Variants in DOK5 observed in about 807,000 individuals in gnomAD.
DOK5 encodes the protein downstream of tyrosine kinase 5.
DOK5 carries 27 observed loss-of-function variants against 43.3 expected under a neutral mutation model. That is an observed-to-expected ratio of 0.62 (90% CI 0.46 to 0.86). The LOEUF (loss-of-function observed/expected upper bound fraction) is 0.86. Among genes scored for constraint, DOK5 ranks in the 40% least tolerant of loss-of-function variants. DOK5 has a pLI of 0.00. For synonymous variants in DOK5, 146 were observed against 140.1 expected (o/e 1.04, Z -0.30); for missense variants, 373 against 392.9 (o/e 0.95, Z 0.43).
chr20:54,645,358 C>A (rs1979360458), intron 7 of DOK5, among the ~76,000 whole-genome samples: 1 of 90,010 alleles, frequency 1.1e-5, no homozygotes, highest in African/African-American at 4.6e-5. Flanking sequence ...CCTCCATGCC[C>A]GCTCTGAACC....
At chr20:54,483,296 A>G in intron 1 of DOK5, among the ~76,000 whole-genome samples, 1 of 152,186 alleles carries the variant, frequency 6.6e-6, no homozygotes, top group East Asian at 1.9e-4. Context: ...CAGCTTTGTA[A>G]TTTTTGTGGG....
intron 2 of DOK5, among the ~76,000 whole-genome samples, chr20:54,578,914 A>T (rs1246745682): frequency 1.3e-5 from 2 of 152,184 alleles, no homozygotes; most frequent in Middle Eastern, 3.2e-3. Context: ...TGGGAATCAG[A>T]TCATCACCCA....
intron 6 of DOK5, among the ~76,000 whole-genome samples, chr20:54,632,652 G>T (rs751821073): frequency 1.1e-4 from 17 of 152,156 alleles, no homozygotes; most frequent in Non-Finnish European, 1.6e-4. Flanking sequence ...TGACTTTCAC[G>T]TGGGCTCTTA....
chr20:54,554,772 G>C lies in DOK5; in HGVS notation c.67-161G>C, dbSNP rs115123974. Among the ~76,000 whole-genome samples, 1,418 of 152,214 alleles carry C rather than the reference G, an allele frequency of 9.3e-3. 17 individuals are homozygous for C. The highest frequency in any genetic ancestry group is 0.033 in the African/African-American group (1,352 of 41,520). ...TGTCTGAATGACACATAATATGCCCGTTGTGGAAACAATTTTGATTTTTAA... is the reference window on the plus strand; with the variant it reads ...TGTCTGAATGACACATAATATGCCCCTTGTGGAAACAATTTTGATTTTTAA... On this transcript the variant is annotated intron_variant, in intron 1 of 7. Transcript: ENST00000262593.
intron 1 of DOK5, among the ~76,000 whole-genome samples, chr20:54,513,541 T>C (rs1452881207): frequency 6.6e-6 from 1 of 151,648 alleles, no homozygotes; most frequent in Non-Finnish European, 1.5e-5. Context: ...ATTTATTGCT[T>C]TCATTTATTC....
At chr20:54,643,427 T>G (rs1197425335) in intron 6 of DOK5, 31 bp from the exon 7 acceptor site, 1 of 1,610,710 alleles carries the variant, frequency 6.2e-7, no homozygotes, top group Non-Finnish European at 8.5e-7. Context: ...CCAGTGTTGC[T>G]GACGCACAAC....
intron 1 of DOK5, among the ~76,000 whole-genome samples, chr20:54,520,728 G>A (rs927462510): frequency 6.6e-6 from 1 of 152,134 alleles, no homozygotes; most frequent in Non-Finnish European, 1.5e-5. Flanking sequence ...TGAGTCAGCA[G>A]TGAGCTATGA....
intron 1 of DOK5, among the ~76,000 whole-genome samples, chr20:54,516,246 T>C (rs756341417): frequency 6.6e-5 from 10 of 152,186 alleles, no homozygotes; most frequent in Non-Finnish European, 1.3e-4. Flanking sequence ...TACAGATACA[T>C]ATTTAATTAC....
intron 1 of DOK5, 142 bp from the exon 2 acceptor site, chr20:54,554,791 T>G: frequency 3.3e-6 from 2 of 602,314 alleles, no homozygotes; most frequent in Non-Finnish European, 2.9e-6. Context: ...ACAATTTTGA[T>G]TTTTAAAACT....
At chr20:54,484,244 T>C (rs955564932) in intron 1 of DOK5, among the ~76,000 whole-genome samples, 6 of 152,182 alleles carry the variant, frequency 3.9e-5, no homozygotes. Flanking sequence ...CTGGGCATGG[T>C]GGCAGGTGCC....
At chr20:54,534,958 C>T (rs1379521307) in intron 1 of DOK5, among the ~76,000 whole-genome samples, 4 of 152,190 alleles carry the variant, frequency 2.6e-5, no homozygotes, top group Non-Finnish European at 4.4e-5. Flanking sequence ...CTCAGCCTCC[C>T]GAGTAGCTGG....
chr20:54,609,967 T>C (rs1986591608), intron 5 of DOK5, among the ~76,000 whole-genome samples: 1 of 152,160 alleles, frequency 6.6e-6, no homozygotes, highest in Non-Finnish European at 1.5e-5. Flanking sequence ...CTAAGAGACA[T>C]AGAATCTTTC....
At chr20:54,623,112 C>T (rs979888263) in intron 6 of DOK5, among the ~76,000 whole-genome samples, 9 of 152,196 alleles carry the variant, frequency 5.9e-5, no homozygotes, top group Admixed American at 1.3e-4. Context: ...CCTAAAACAG[C>T]GGTTCTCAAT....
chr20:54,549,047 A>C (rs975721392), intron 1 of DOK5, among the ~76,000 whole-genome samples: 3 of 152,194 alleles, frequency 2.0e-5, no homozygotes, highest in African/African-American at 4.8e-5. Flanking sequence ...CACCTTTTGC[A>C]AGCCACCCAT....
intron 2 of DOK5, among the ~76,000 whole-genome samples, chr20:54,570,158 A>T (rs1365145179): frequency 6.6e-6 from 1 of 152,218 alleles, no homozygotes. Flanking sequence ...ACATTATACA[A>T]CATCTTTTGG....
chr20:54,573,063 A>G (rs1345973266), intron 2 of DOK5, among the ~76,000 whole-genome samples: 1 of 152,214 alleles, frequency 6.6e-6, no homozygotes, highest in Non-Finnish European at 1.5e-5. Context: ...AGGAATATAT[A>G]TAAGCAAAAT....
chr20:54,489,647 C>T (rs1982086161), intron 1 of DOK5, among the ~76,000 whole-genome samples: 1 of 151,598 alleles, frequency 6.6e-6, no homozygotes, highest in Admixed American at 6.6e-5. Flanking sequence ...GCCCATTTTA[C>T]AAATTATGAA....
chr20:54,529,634 A>G (rs987221084), intron 1 of DOK5, among the ~76,000 whole-genome samples: 2 of 152,228 alleles, frequency 1.3e-5, no homozygotes, highest in Non-Finnish European at 2.9e-5. Flanking sequence ...GCATATTTAC[A>G]CTGTTGTGTA....
chr20:54,476,230 T>G (rs1568743802), intron 1 of DOK5: 6 of 983,254 alleles, frequency 6.1e-6, no homozygotes, highest in Non-Finnish European at 1.2e-6. Context: ...CTTGGCTTTC[T>G]GATGGTGGCC....
Sources: allele counts gnomAD v4.1 joint callset (sites outside exome capture counted in the v4.1 genomes callset), GRCh38; gene constraint gnomAD v4.1.1; transcripts MANE v1.5; gene names NCBI Gene and HGNC (gene_info 2026-07-23, HGNC 2026-07-21).